Variants in GLRX3 observed in about 807,000 individuals in gnomAD.
The protein encoded by GLRX3 is glutaredoxin-3.
GLRX3 carries 22 observed loss-of-function variants against 49.5 expected under a neutral mutation model. The observed-to-expected ratio is 0.44, with a 90% CI of 0.32 to 0.63. The LOEUF (loss-of-function observed/expected upper bound fraction) is 0.63. GLRX3 is among the 30% of genes least tolerant of loss of function. The probability of loss-of-function intolerance (pLI) is 0.05; values close to 1 mark genes in which losing one functional copy is unlikely to be tolerated. For missense variants in GLRX3, 385 were observed against 396.3 expected (o/e 0.97, Z 0.24); for synonymous variants, 133 against 140.0 (o/e 0.95, Z 0.35).
chr10:130,142,669 C>T (rs1291391909), intron 1 of GLRX3, among the ~76,000 whole-genome samples: 1 of 152,180 alleles, frequency 6.6e-6, no homozygotes, highest in Non-Finnish European at 1.5e-5. Context: ...TGCAGTCTGA[C>T]CTGTGCTTCT....
intron 1 of GLRX3, among the ~76,000 whole-genome samples, chr10:130,137,455 T>C (rs1338464356): frequency 6.6e-6 from 1 of 152,172 alleles, no homozygotes; most frequent in Admixed American, 6.5e-5. Flanking sequence ...GCGGTTGTTA[T>C]GGGAACTCTT....
At chr10:130,148,433 CTTTTTTTTTTTTT>C (rs57482969) in intron 2 of GLRX3, among the ~76,000 whole-genome samples, 16 of 70,584 alleles carry the variant, frequency 2.3e-4, no homozygotes, top group African/African-American at 6.8e-4. Context: ...GCCCTTCAGT[CTTTTTTTTTTTTT>C]TTTTTTTTTT....
chr10:130,140,981 A>G (rs1479603741), intron 1 of GLRX3, among the ~76,000 whole-genome samples: 1 of 152,218 alleles, frequency 6.6e-6, no homozygotes, highest in African/African-American at 2.4e-5. Flanking sequence ...TTTAATTTTT[A>G]CCAGCAGGAC....
At chr10:130,159,184 A>G (rs1862530611) in intron 2 of GLRX3, among the ~76,000 whole-genome samples, 3 of 152,252 alleles carry the variant, frequency 2.0e-5, no homozygotes, top group African/African-American at 7.2e-5. Flanking sequence ...GTTTATATTA[A>G]ATTGACAGTC....
In GLRX3 at chr10:130,151,354, G is replaced by T. The variant is rs190560540; in HGVS notation, c.201+6035G>T. Among the ~76,000 whole-genome samples the T allele has an allele frequency of 2.4e-3, 361 of 152,234 alleles. 1 individual carries two copies. The highest frequency in any genetic ancestry group is 2.9e-3 in the Non-Finnish European group (196 of 68,008). On this transcript the variant is annotated intron_variant, in intron 2 of 10. Transcript: ENST00000331244. ...GCTAAGTTTGGTGAAAGTATTTAAA[G>T]AAGTTATCAAAACTTTTTTTTAAAA... is the stretch of plus-strand genomic sequence containing the variant.
In GLRX3 at chr10:130,171,802, C is replaced by CA. The variant is rs537025991; in HGVS notation, c.824+172dup. Among the ~76,000 whole-genome samples the CA allele has an allele frequency of 1.7e-4, 26 of 151,854 alleles. 2 individuals carry two copies. The highest frequency in any genetic ancestry group is 5.8e-4 in the African/African-American group (24 of 41,402). On this transcript the variant is annotated intron_variant, in intron 8 of 10. Coordinates refer to ENST00000331244, the MANE Select transcript of GLRX3 (RefSeq NM_006541.5). ...ACAACATAGTGAGACCCCATCGCCA[C>CA]AAAAAATAAAAAAATTAGCCAGGCA...
intron 2 of GLRX3, among the ~76,000 whole-genome samples, chr10:130,153,711 C>T (rs541452452): frequency 2.0e-3 from 311 of 152,140 alleles, no homozygotes; most frequent in Middle Eastern, 0.01. Context: ...AGGTGTCTGT[C>T]GGCCCCTACT....
At chr10:130,153,393 A>T (rs1862417036) in intron 2 of GLRX3, among the ~76,000 whole-genome samples, 1 of 151,822 alleles carries the variant, frequency 6.6e-6, no homozygotes, top group African/African-American at 2.4e-5. Context: ...GGTTTTTGGA[A>T]TTTTCAGCCT....
intron 4 of GLRX3, among the ~76,000 whole-genome samples, chr10:130,165,016 A>G (rs1052991611): frequency 2.0e-5 from 3 of 152,248 alleles, no homozygotes; most frequent in African/African-American, 7.2e-5. Context: ...TCATCTCAAT[A>G]AACTGCAGAT....
intron 10 of GLRX3, among the ~76,000 whole-genome samples, chr10:130,179,054 T>A (rs940354164): frequency 6.6e-6 from 1 of 152,128 alleles, no homozygotes; most frequent in Non-Finnish European, 1.5e-5. Context: ...GTCAGGCTGG[T>A]CTTGAACTCC....
intron 2 of GLRX3, among the ~76,000 whole-genome samples, chr10:130,151,190 T>G (rs1389026968): frequency 6.6e-6 from 1 of 152,088 alleles, no homozygotes; most frequent in Non-Finnish European, 1.5e-5. Context: ...CCTCCCAAAG[T>G]GCTGGGATTA....
chr10:130,147,607 CAT>C (rs1270305894), intron 2 of GLRX3, among the ~76,000 whole-genome samples: 1 of 152,196 alleles, frequency 6.6e-6, no homozygotes, highest in African/African-American at 2.4e-5. Context: ...CACTCTATAA[CAT>C]AGTTTTTCTT....
intron 3 of GLRX3, among the ~76,000 whole-genome samples, chr10:130,160,557 T>C (rs1200630141): frequency 1.3e-5 from 2 of 152,206 alleles, no homozygotes; most frequent in Non-Finnish European, 2.9e-5. Flanking sequence ...GCAGTCTTTT[T>C]TGTATTATGT....
At chr10:130,152,880 A>G (rs1330959535) in intron 2 of GLRX3, among the ~76,000 whole-genome samples, 2 of 152,114 alleles carry the variant, frequency 1.3e-5, no homozygotes, top group Non-Finnish European at 2.9e-5. Context: ...CTCCTGGATA[A>G]TATCCTGAAG....
At chr10:130,163,922 T>A (rs907135799) in intron 4 of GLRX3, among the ~76,000 whole-genome samples, 5 of 152,250 alleles carry the variant, frequency 3.3e-5, no homozygotes, top group Non-Finnish European at 7.3e-5. Flanking sequence ...CTATCTCTGC[T>A]AACACCACTG....
chr10:130,156,181 G>A (rs1179121519), intron 2 of GLRX3, among the ~76,000 whole-genome samples: 1 of 152,212 alleles, frequency 6.6e-6, no homozygotes, highest in Non-Finnish European at 1.5e-5. Context: ...CAAGATCAAA[G>A]CACCAGCAGA....
intron 2 of GLRX3, among the ~76,000 whole-genome samples, chr10:130,152,647 G>C (rs951553529): frequency 6.6e-6 from 1 of 152,220 alleles, no homozygotes; most frequent in African/African-American, 2.4e-5. Context: ...CTTCTGGCTT[G>C]TAGGGTTTCT....
chr10:130,171,538 T>A, intron 7 of GLRX3, 46 bp from the exon 8 acceptor site: 1 of 988,632 alleles, frequency 1.0e-6, no homozygotes, highest in Non-Finnish European at 1.6e-6. Context: ...CCATGCTGCT[T>A]GGGTCATACA....
rs562064677 is a variant in GLRX3, at chr10:130,140,475, A to C, written c.92+3963A>C. Among the ~76,000 whole-genome samples, 4 of 152,360 alleles carry C rather than the reference A, an allele frequency of 2.6e-5. No individual in the cohort carries two copies. The South Asian group carries it at 8.3e-4, about 32-fold the overall frequency. The stretch of plus-strand genomic sequence containing the variant: ...GAGAAATGGAAGGTAAGCATTAAAT[A>C]GGAGAATATTGTGGATAATTTCAAC... On this transcript the variant is annotated intron_variant, in intron 1 of 10. Transcript: ENST00000331244.
Sources: gnomAD v4.1 joint callset for allele counts (sites outside exome capture counted in the v4.1 genomes callset) on GRCh38, gnomAD v4.1.1 for gene constraint, MANE v1.5 for transcripts, NCBI Gene and HGNC (gene_info 2026-07-23, HGNC 2026-07-21) for gene names.